Variants in KCND2 observed in about 807,000 individuals in gnomAD.
The protein encoded by KCND2 is potassium voltage-gated channel subfamily D member 2.
A neutral mutation model predicts 54.4 loss-of-function variants in KCND2; 16 were observed. The ratio of observed to expected loss-of-function variants is 0.29; its 90% CI spans 0.20 to 0.45. The LOEUF (loss-of-function observed/expected upper bound fraction) is 0.45, where lower values mean the gene tolerates loss of function less well. Among genes scored for constraint, KCND2 ranks in the 20% least tolerant of loss-of-function variants. The probability of loss-of-function intolerance (pLI) is 1.00; values close to 1 mark genes in which losing one functional copy is unlikely to be tolerated. For missense variants in KCND2, 486 were observed against 824.2 expected, an observed-to-expected ratio of 0.59 and a Z score of 5.02; for synonymous variants, 317 against 310.7, an observed-to-expected ratio of 1.02 and a Z score of -0.21.
chr7:120,606,728 GTAATA>G (rs1048395784), intron 1 of KCND2, among the ~76,000 whole-genome samples: 1 of 151,750 alleles, frequency 6.6e-6, no homozygotes, highest in Admixed American at 6.6e-5. Flanking sequence ...ATATGTGTAT[GTAATA>G]TAATATATAT....
intron 1 of KCND2, among the ~76,000 whole-genome samples, chr7:120,631,671 C>A (rs1463109494): frequency 6.6e-6 from 1 of 152,108 alleles, no homozygotes; most frequent in African/African-American, 2.4e-5. Context: ...CTGCATATTT[C>A]ATCGCATAGA....
intron 1 of KCND2, among the ~76,000 whole-genome samples, chr7:120,555,086 C>G (rs1363722132): frequency 6.6e-6 from 1 of 152,098 alleles, no homozygotes; most frequent in Non-Finnish European, 1.5e-5. Flanking sequence ...TTACATCCAC[C>G]CAGGGATCTG....
In KCND2 at chr7:120,469,844, C is replaced by T. The variant is rs539321313; in HGVS notation, c.1115+194097C>T. Among the ~76,000 whole-genome samples, 703 of 152,188 alleles carry T rather than the reference C, an allele frequency of 4.6e-3. 7 individuals carry two copies. The highest frequency in any genetic ancestry group is 0.016 in the African/African-American group (656 of 41,540). ...ACTGCATGATACTAGTGTCAGTTTA[C>T]TCAAATGCAAGACTAAAAAACTATC... On this transcript the variant is annotated intron_variant, in intron 1 of 5. Coordinates refer to ENST00000331113, the MANE Select transcript of KCND2 (RefSeq NM_012281.3).
At chr7:120,533,341 C>T (rs1791864779) in intron 1 of KCND2, among the ~76,000 whole-genome samples, 2 of 152,030 alleles carry the variant, frequency 1.3e-5, no homozygotes, top group Admixed American at 1.3e-4. Context: ...TTATTTTGTC[C>T]ATGAAGCCTT....
intron 1 of KCND2, among the ~76,000 whole-genome samples, chr7:120,640,770 C>T (rs1332835693): frequency 6.6e-6 from 1 of 152,148 alleles, no homozygotes; most frequent in Non-Finnish European, 1.5e-5. Flanking sequence ...GGATATTAAG[C>T]AGTGACACTT....
At position 120,366,562 on chromosome 7, in the gene KCND2, AAAAAG is replaced by A. The variant is rs1584749145; in HGVS notation, c.1115+90822_1115+90826del. ...GGAGGAAAGAAAAGAAAAGAAAAGA[AAAAAG>A]AAAAGAGAAGAAAGAAACTTTTTTC... On this transcript the variant is annotated intron_variant, in intron 1 of 5. Transcript: ENST00000331113. 2.6e-5 allele frequency among the ~76,000 whole-genome samples: 4 copies of A among 151,072 alleles called. No homozygotes were observed. In the South Asian group the frequency reaches 8.3e-4, roughly 31 times the overall value.
Position 120,312,074 on chromosome 7 carries a change from T to C in KCND2, c.1115+36327T>C, listed in dbSNP as rs531689752. 5.3e-5 allele frequency among the ~76,000 whole-genome samples: 8 copies of C among 152,198 alleles called. No individual in the cohort carries two copies. In the South Asian group the frequency reaches 1.7e-3, roughly 32 times the overall value. On this transcript the variant is annotated intron_variant, in intron 1 of 5. Transcript: ENST00000331113. ...CATGCAACATCATGCCTGGCTAATT[T>C]TGTATTTTTAATAGAGATGGGGGAC...
At chr7:120,419,556 C>A (rs1407883124) in intron 1 of KCND2, among the ~76,000 whole-genome samples, 1 of 152,022 alleles carries the variant, frequency 6.6e-6, no homozygotes, top group Non-Finnish European at 1.5e-5. Context: ...CAAATGGGTG[C>A]AAAACCACTA....
intron 2 of KCND2, among the ~76,000 whole-genome samples, chr7:120,736,766 C>T (rs1157408966): frequency 2.0e-5 from 3 of 151,718 alleles, no homozygotes; most frequent in Non-Finnish European, 2.9e-5. Flanking sequence ...TTCCATTTTA[C>T]AGATAACTTG....
At chr7:120,289,530 A>G (rs1202144412) in intron 1 of KCND2, among the ~76,000 whole-genome samples, 1 of 152,092 alleles carries the variant, frequency 6.6e-6, no homozygotes, top group Non-Finnish European at 1.5e-5. Context: ...AACAGGGAAA[A>G]TAAAAGAAAA....
chr7:120,527,896 T>C (rs1255470747), intron 1 of KCND2, among the ~76,000 whole-genome samples: 1 of 152,060 alleles, frequency 6.6e-6, no homozygotes, highest in Non-Finnish European at 1.5e-5. Flanking sequence ...AAGTCATAGA[T>C]CCCTAGGAAC....
At chr7:120,645,875 A>G (rs911859733) in intron 1 of KCND2, among the ~76,000 whole-genome samples, 1 of 152,204 alleles carries the variant, frequency 6.6e-6, no homozygotes, top group African/African-American at 2.4e-5. Context: ...TCACATTCAT[A>G]TAGATAAAGA....
At chr7:120,551,644 C>T (rs1792106163) in intron 1 of KCND2, among the ~76,000 whole-genome samples, 1 of 152,156 alleles carries the variant, frequency 6.6e-6, no homozygotes, top group South Asian at 2.1e-4. Flanking sequence ...TTGTAAAAGT[C>T]AAATGATTCC....
At chr7:120,412,895 C>A (rs538196798) in intron 1 of KCND2, among the ~76,000 whole-genome samples, 1 of 152,130 alleles carries the variant, frequency 6.6e-6, no homozygotes, top group Admixed American at 6.6e-5. Context: ...CTACAGCTTC[C>A]AGGAAGCTTT....
At position 120,316,202 on chromosome 7, in the gene KCND2, A is replaced by G. The variant is rs755175880; in HGVS notation, c.1115+40455A>G. The stretch of plus-strand genomic sequence containing the variant: ...TTACATTTGCCTTAACATTTCTGTC[A>G]AGAGTTGGAAATCCAGGTGCTTCTG... On this transcript the variant is annotated intron_variant, in intron 1 of 5. Transcript: ENST00000331113. 3.3e-5 allele frequency among the ~76,000 whole-genome samples: 5 copies of G among 152,332 alleles called. No homozygotes were observed. In the East Asian group the frequency reaches 9.6e-4, roughly 29 times the overall value.
chr7:120,667,616 G>T (rs1409018793), intron 1 of KCND2, among the ~76,000 whole-genome samples: 2 of 151,956 alleles, frequency 1.3e-5, no homozygotes, highest in Non-Finnish European at 2.9e-5. Context: ...CCTAAGAGTG[G>T]TATTAAGAAA....
chr7:120,353,690 C>T (rs904535335), intron 1 of KCND2, among the ~76,000 whole-genome samples: 2 of 152,104 alleles, frequency 1.3e-5, no homozygotes, highest in African/African-American at 4.8e-5. Flanking sequence ...CAGGAATGCT[C>T]AAACTGTGGG....
intron 1 of KCND2, among the ~76,000 whole-genome samples, chr7:120,353,440 T>G (rs1408577450): frequency 6.6e-6 from 1 of 152,056 alleles, no homozygotes; most frequent in Non-Finnish European, 1.5e-5. Flanking sequence ...ATGTAAGAGA[T>G]TGTACTGAGT....
At position 120,734,239 on chromosome 7, in the gene KCND2, C is replaced by T. The variant is rs1027888865; in HGVS notation, c.1278+1174C>T. Reference sequence around the variant, plus strand: ...ATTGGCCAAAACTCAGCGGTTGGCACAAGAGTGGGTTACAGTCTGTTTACT... The same window carrying T: ...ATTGGCCAAAACTCAGCGGTTGGCATAAGAGTGGGTTACAGTCTGTTTACT... On this transcript the variant is annotated intron_variant, in intron 2 of 5. Transcript: ENST00000331113. Among the ~76,000 whole-genome samples the T allele has an allele frequency of 3.9e-5, 6 of 152,194 alleles. No homozygotes were observed. The East Asian group carries it at 1.2e-3, about 29-fold the overall frequency.
Sources: allele counts gnomAD v4.1 joint callset (sites outside exome capture counted in the v4.1 genomes callset), GRCh38; gene constraint gnomAD v4.1.1; transcripts MANE v1.5; gene names NCBI Gene and HGNC (gene_info 2026-07-23, HGNC 2026-07-21).